Variants in HNRNPC observed in about 807,000 individuals in gnomAD.
The protein encoded by HNRNPC is heterogeneous nuclear ribonucleoprotein C, also known as heterogeneous nuclear ribonucleoproteins C1/C2.
HNRNPC carries 3 observed loss-of-function variants against 33.2 expected under a neutral mutation model. The observed-to-expected ratio is 0.09, with a 90% CI of 0.04 to 0.23. The LOEUF is 0.23. Ranked by LOEUF, HNRNPC falls within the 10% of genes least tolerant of loss-of-function variation. The pLI, the probability that HNRNPC is intolerant of heterozygous loss-of-function variation, is 1.00. For synonymous variants in HNRNPC, 121 were observed against 126.7 expected (o/e 0.96, Z 0.30); for missense variants, 143 against 366.7 (o/e 0.39, Z 4.98).
intron 2 of HNRNPC, among the ~76,000 whole-genome samples, chr14:21,235,625 C>G (rs1894617941): frequency 6.6e-6 from 1 of 152,084 alleles, no homozygotes; most frequent in Non-Finnish European, 1.5e-5. Flanking sequence ...AAACAGTAGC[C>G]ACTGAAATCC....
At chr14:21,258,699 A>G (rs1877655058) in intron 2 of HNRNPC, among the ~76,000 whole-genome samples, 2 of 152,220 alleles carry the variant, frequency 1.3e-5, no homozygotes, top group South Asian at 4.1e-4. Flanking sequence ...TTTCTGCCAA[A>G]TCAGAAAGCC....
At chr14:21,246,326 G>C (rs747197103) in intron 2 of HNRNPC, among the ~76,000 whole-genome samples, 1 of 152,106 alleles carries the variant, frequency 6.6e-6, no homozygotes, top group Non-Finnish European at 1.5e-5. Context: ...TTGGAAGGCC[G>C]AGGCTGGTGG....
intron 2 of HNRNPC, among the ~76,000 whole-genome samples, chr14:21,261,158 A>G (rs1253138199): frequency 2.0e-5 from 3 of 151,980 alleles, no homozygotes; most frequent in African/African-American, 4.8e-5. Context: ...CTTCTATAGG[A>G]TATGTGTTTA....
At chr14:21,214,323 A>G (rs548919400) in intron 5 of HNRNPC, among the ~76,000 whole-genome samples, 5 of 152,350 alleles carry the variant, frequency 3.3e-5, no homozygotes, top group Admixed American at 6.5e-5. Flanking sequence ...CTGAGTTGTA[A>G]TATCTCCAAT....
chr14:21,256,977 A>C (rs1877330643), intron 2 of HNRNPC, among the ~76,000 whole-genome samples: 1 of 152,138 alleles, frequency 6.6e-6, no homozygotes, highest in South Asian at 2.1e-4. Flanking sequence ...AATAGGCCAA[A>C]GGTGAGAAGA....
Position 21,214,754 on chromosome 14 carries a change from T to G in HNRNPC, c.366-1637A>C, listed in dbSNP as rs138723804. ...TTTTTGACCAAAATCTTGCAAAGTATAATGATACAGAAACTATAAAATATC... is the reference window on the plus strand; with the variant it reads ...TTTTTGACCAAAATCTTGCAAAGTAGAATGATACAGAAACTATAAAATATC... On this transcript the variant is annotated intron_variant, in intron 5 of 8. Coordinates refer to ENST00000553300, the MANE Select transcript of HNRNPC (RefSeq NM_004500.4). 3.2e-3 allele frequency among the ~76,000 whole-genome samples: 482 copies of G among 152,354 alleles called. 1 individual carries two copies. The highest frequency in any genetic ancestry group is 4.9e-3 in the Non-Finnish European group (336 of 68,032).
chr14:21,211,707 T>G, intron 7 of HNRNPC, 103 bp downstream of exon 7: 1 of 1,414,586 alleles, frequency 7.1e-7, no homozygotes, highest in African/African-American at 1.4e-5. Context: ...TCCCCAAGTT[T>G]CATATTACAT....
chr14:21,266,171 T>C (rs1363633941), intron 1 of HNRNPC, among the ~76,000 whole-genome samples: 3 of 152,124 alleles, frequency 2.0e-5, no homozygotes, highest in African/African-American at 7.2e-5. Flanking sequence ...AGTGGTGCGA[T>C]GGCTCACTGC....
At chr14:21,238,550 T>C (rs1007962596) in intron 2 of HNRNPC, among the ~76,000 whole-genome samples, 39 of 152,176 alleles carry the variant, frequency 2.6e-4, no homozygotes, top group African/African-American at 8.7e-4. Context: ...CAAACAAATA[T>C]TCCTTAAAAC....
intron 5 of HNRNPC, among the ~76,000 whole-genome samples, chr14:21,219,116 A>AAAAAAAG (rs1384692260): frequency 1.3e-5 from 2 of 150,516 alleles, no homozygotes; most frequent in Non-Finnish European, 2.9e-5. Context: ...CTCAAAAAAA[A>AAAAAAAG]AAAAAAAAGA....
At chr14:21,215,898 T>TAA (rs3064165) in intron 5 of HNRNPC, among the ~76,000 whole-genome samples, 1,648 of 98,412 alleles carry the variant, frequency 0.017, 11 homozygotes, top group Non-Finnish European at 0.027. Flanking sequence ...GACTCCGTCT[T>TAA]AAAAAAAAAA....
chr14:21,264,523 T>A (rs1235708380), intron 1 of HNRNPC: 2 of 152,248 alleles, frequency 1.3e-5, no homozygotes, highest in Non-Finnish European at 2.9e-5. Context: ...CTATTTACTA[T>A]GTAGCGTGTA....
At chr14:21,242,957 T>C (rs1332782200) in intron 2 of HNRNPC, among the ~76,000 whole-genome samples, 2 of 152,124 alleles carry the variant, frequency 1.3e-5, no homozygotes, top group Non-Finnish European at 2.9e-5. Context: ...AAACCCCATC[T>C]CTACTAACAA....
intron 2 of HNRNPC, among the ~76,000 whole-genome samples, chr14:21,239,001 C>T (rs891908880): frequency 5.9e-5 from 9 of 151,954 alleles, no homozygotes; most frequent in African/African-American, 2.2e-4. Context: ...GTGGCCTGCA[C>T]CTGTAGTCCC....
At chr14:21,218,737 CAT>C (rs1229811343) in intron 5 of HNRNPC, among the ~76,000 whole-genome samples, 1 of 141,230 alleles carries the variant, frequency 7.1e-6, no homozygotes, top group Non-Finnish European at 1.5e-5. Context: ...CAGTGGCTCT[CAT>C]GTGTAATCCC....
In HNRNPC at chr14:21,229,736, T is replaced by A. The variant is rs142291733; in HGVS notation, c.365+583A>T. Among the ~76,000 whole-genome samples the A allele has an allele frequency of 6.4e-3, 978 of 152,350 alleles. 13 individuals carry two copies. Among genetic ancestry groups the A allele is most frequent in the African/African-American group, 0.021 (862 of 41,578 alleles). ...ATTCCAAAATCAGACTGAATTGTTA[T>A]ATACAGTAATAACATTAAAATACTA... On this transcript the variant is annotated intron_variant, in intron 5 of 8. Transcript: ENST00000553300.
chr14:21,258,322 G>A (rs8018016), intron 2 of HNRNPC, among the ~76,000 whole-genome samples: 24,367 of 151,820 alleles, frequency 0.16, 2,235 homozygotes, highest in Admixed American at 0.24. Flanking sequence ...CCCAGGAGGC[G>A]GAGGTTGCAG....
intron 5 of HNRNPC, among the ~76,000 whole-genome samples, chr14:21,218,294 T>C (rs1892424167): frequency 6.6e-6 from 1 of 152,208 alleles, no homozygotes; most frequent in African/African-American, 2.4e-5. Flanking sequence ...TCATTTGTCA[T>C]GGTATTCAAC....
In HNRNPC at chr14:21,266,468, AAAT is replaced by A. The variant is rs1228523348; in HGVS notation, c.-63+2827_-63+2829del. On this transcript the variant is annotated intron_variant, in intron 1 of 8. Coordinates refer to ENST00000553300, the MANE Select transcript of HNRNPC (RefSeq NM_004500.4). ...TGTGACAGAATCAAGTTAGAGCACC[AAAT>A]AATGTTTTCCTGATACAATATAAAT... 3.8e-4 allele frequency among the ~76,000 whole-genome samples: 58 copies of A among 152,192 alleles called. 1 individual carries two copies. Among genetic ancestry groups the A allele is most frequent in the Admixed American group, 1.3e-4 (2 of 15,270 alleles).
Sources: allele counts gnomAD v4.1 joint callset (sites outside exome capture counted in the v4.1 genomes callset), GRCh38; gene constraint gnomAD v4.1.1; transcripts MANE v1.5; gene names NCBI Gene and HGNC (gene_info 2026-07-23, HGNC 2026-07-21).